Variants in DMGDH observed in about 807,000 individuals in gnomAD.
DMGDH encodes dimethylglycine dehydrogenase, mitochondrial.
A neutral mutation model predicts 95.2 loss-of-function variants in DMGDH; 76 were observed. The observed-to-expected ratio is 0.80, with a 90% CI of 0.66 to 0.97. The LOEUF is 0.97. DMGDH is among the 50% of genes least tolerant of loss of function. The pLI, the probability that DMGDH is intolerant of heterozygous loss-of-function variation, is 0.00. For synonymous variants in DMGDH, 345 were observed against 377.6 expected (o/e 0.91, Z 1.00); for missense variants, 987 against 1,055.0 (o/e 0.94, Z 0.89).
chr5:79,035,206 A>G (rs1006643352), intron 7 of DMGDH, among the ~76,000 whole-genome samples: 4 of 152,212 alleles, frequency 2.6e-5, no homozygotes, highest in Admixed American at 6.5e-5. Flanking sequence ...ATTATTAAAT[A>G]TATGCTTAAA....
chr5:79,022,247 C>A (rs1753888641), intron 14 of DMGDH, among the ~76,000 whole-genome samples: 1 of 152,166 alleles, frequency 6.6e-6, no homozygotes, highest in Admixed American at 6.5e-5. Flanking sequence ...CAATTATAGG[C>A]TTACAGTATT....
intron 13 of DMGDH, among the ~76,000 whole-genome samples, chr5:79,026,101 C>A (rs147358724): frequency 3.5e-4 from 53 of 152,104 alleles, no homozygotes; most frequent in African/African-American, 1.2e-3. Context: ...TGAAGACGGG[C>A]AAAATGACAG....
At chr5:79,050,197 G>A (rs551660681) in intron 5 of DMGDH, among the ~76,000 whole-genome samples, 15 of 140,032 alleles carry the variant, frequency 1.1e-4, no homozygotes, top group African/African-American at 4.0e-4. Flanking sequence ...GCAGTGAGCC[G>A]AGATCGCGCC....
chr5:79,041,650 C>T (rs1237119638), intron 7 of DMGDH, among the ~76,000 whole-genome samples: 2 of 152,148 alleles, frequency 1.3e-5, no homozygotes, highest in African/African-American at 4.8e-5. Flanking sequence ...TGAAGATACA[C>T]AGCATAAAAC....
intron 14 of DMGDH, among the ~76,000 whole-genome samples, chr5:79,010,265 G>A (rs1753626644): frequency 6.6e-6 from 1 of 152,114 alleles, no homozygotes; most frequent in African/African-American, 2.4e-5. Flanking sequence ...TTTTGGTTGT[G>A]ATTCTTAGGG....
intron 8 of DMGDH, 109 bp downstream of exon 8, chr5:79,033,130 T>C: frequency 7.3e-7 from 1 of 1,374,610 alleles, no homozygotes; most frequent in Admixed American, 1.8e-5. Flanking sequence ...CTTTTTGGAG[T>C]CCCTAACTAC....
chr5:79,033,281 T>G lies in DMGDH; in HGVS notation c.1321A>C (p.Thr441Pro). 1 of 1,614,218 alleles carries G rather than the reference T, an allele frequency of 6.2e-7. No homozygotes were observed. The highest frequency in any genetic ancestry group is 8.5e-7 in the Non-Finnish European group (1 of 1,180,034). The change falls in exon 8 of 16, where the codon ACT becomes CCT. Residue 441 changes from threonine (T) to proline (P), a missense_variant. Thr to Pro is a conservative substitution (Grantham distance 38, BLOSUM62 -1). Coordinates refer to ENST00000255189, the MANE Select transcript of DMGDH (RefSeq NM_013391.3). ...TATGATTCTCTTGCTTTGGCCTCAG[T>G]GTACTGGGTTGTTGTCCATTTGCCA... ...RYGKWTTTQY[T>P]EAKARESYGF...
chr5:79,064,907 AC>A (rs1300242253), intron 1 of DMGDH, among the ~76,000 whole-genome samples: 1 of 151,924 alleles, frequency 6.6e-6, no homozygotes, highest in Non-Finnish European at 1.5e-5. Flanking sequence ...GCACCACCAC[AC>A]CCAGCTAATT....
chr5:79,049,758 C>T (rs922326521), intron 5 of DMGDH, among the ~76,000 whole-genome samples: 8 of 152,182 alleles, frequency 5.3e-5, no homozygotes, highest in African/African-American at 1.7e-4. Context: ...AACAATGCAA[C>T]ATTGTATTGT....
intron 15 of DMGDH, among the ~76,000 whole-genome samples, chr5:78,999,205 A>C (rs1004623315): frequency 5.3e-5 from 8 of 152,148 alleles, no homozygotes; most frequent in Non-Finnish European, 1.0e-4. Flanking sequence ...TTACTATAGC[A>C]CTTCTAGTAT....
At chr5:79,029,773 G>A (rs1580199778) in intron 11 of DMGDH, 131 bp downstream of exon 11, 2 of 999,082 alleles carry the variant, frequency 2.0e-6, no homozygotes, top group Non-Finnish European at 2.9e-6. Flanking sequence ...AAAAAATAAA[G>A]TTTATTTGAA....
chr5:79,033,461 G>A, intron 7 of DMGDH, 53 bp from the exon 8 acceptor site: 1 of 1,599,962 alleles, frequency 6.3e-7, no homozygotes, highest in East Asian at 2.2e-5. Context: ...GTTTTCAAAT[G>A]AAACATAATC....
chr5:79,025,168 T>C (rs2112617755), intron 13 of DMGDH, among the ~76,000 whole-genome samples: 2 of 152,348 alleles, frequency 1.3e-5, no homozygotes, highest in South Asian at 4.1e-4. Context: ...GAGGGCGCTC[T>C]GGCACTGCTG....
At chr5:79,009,321 T>G (rs1440224825) in intron 14 of DMGDH, among the ~76,000 whole-genome samples, 1 of 148,212 alleles carries the variant, frequency 6.7e-6, no homozygotes, top group Non-Finnish European at 1.5e-5. Context: ...TTATTGAAAG[T>G]AAGAAACACT....
At chr5:79,050,936 A>G (rs1009381324) in intron 5 of DMGDH, among the ~76,000 whole-genome samples, 1 of 152,236 alleles carries the variant, frequency 6.6e-6, no homozygotes, top group African/African-American at 2.4e-5. Flanking sequence ...ATTGGACACA[A>G]AGAGGATGCT....
intron 14 of DMGDH, among the ~76,000 whole-genome samples, chr5:79,016,241 A>T (rs1753732599): frequency 6.6e-6 from 1 of 152,124 alleles, no homozygotes; most frequent in Non-Finnish European, 1.5e-5. Context: ...CATCAAAAAA[A>T]AAAAGGAATA....
In DMGDH at chr5:79,032,771, A is replaced by G. The variant is rs373980096; in HGVS notation, c.1433T>C (p.Leu478Pro). 1.2e-6 allele frequency: 2 copies of G among 1,614,106 alleles called. No homozygotes were observed. The highest frequency in any genetic ancestry group is 1.7e-6 in the Non-Finnish European group (2 of 1,180,046). Reference sequence around the variant, plus strand: ...GAACCCCATGGAACACTTAGACTCCAGCCTTTGATAGAGCCCACTGACTCG... The same window carrying G: ...GAACCCCATGGAACACTTAGACTCCGGCCTTTGATAGAGCCCACTGACTCG... ...TQRVSGLYQR[L>P]ESKCSMGFHA... Residue 478 changes from leucine (L) to proline (P), a missense_variant, in exon 9 of 16, where the codon CTG becomes CCG. Leu to Pro is a moderately conservative substitution (Grantham distance 98, BLOSUM62 -3). Coordinates refer to ENST00000255189, the MANE Select transcript of DMGDH (RefSeq NM_013391.3).
intron 14 of DMGDH, among the ~76,000 whole-genome samples, chr5:79,019,460 A>T (rs974382849): frequency 1.4e-5 from 1 of 70,642 alleles, no homozygotes; most frequent in Non-Finnish European, 2.7e-5. Flanking sequence ...TCACTGCATT[A>T]AAAAAAAAAA....
chr5:79,001,720 A>G (rs1195329361), intron 15 of DMGDH, among the ~76,000 whole-genome samples: 1 of 152,136 alleles, frequency 6.6e-6, no homozygotes, highest in African/African-American at 2.4e-5. Flanking sequence ...TTAGTAACCT[A>G]AAAAAATAGA....
Sources: gnomAD v4.1 joint callset for allele counts (sites outside exome capture counted in the v4.1 genomes callset) on GRCh38, gnomAD v4.1.1 for gene constraint, MANE v1.5 for transcripts, NCBI Gene and HGNC (gene_info 2026-07-23, HGNC 2026-07-21) for gene names.